The following PRKAR1A variants were observed in gnomAD, a reference collection of about 807,000 sequenced individuals.
The protein encoded by PRKAR1A is protein kinase cAMP-dependent type I regulatory subunit alpha, also known as cAMP-dependent protein kinase type I-alpha regulatory subunit.
Under a neutral mutation model 52.0 loss-of-function variants are expected in PRKAR1A, and 3 were observed. That is an observed-to-expected ratio of 0.06 (90% CI 0.03 to 0.15). PRKAR1A has a LOEUF of 0.15. Ranked by LOEUF, PRKAR1A falls within the 10% of genes least tolerant of loss-of-function variation. The pLI, the probability that PRKAR1A is intolerant of heterozygous loss-of-function variation, is 1.00. For missense variants in PRKAR1A, 240 were observed against 477.4 expected, an observed-to-expected ratio of 0.50 and a Z score of 4.63; for synonymous variants, 188 against 168.4, an observed-to-expected ratio of 1.12 and a Z score of -0.90.
At chr17:68,541,900 A>G (rs1046307142) in intron 11 of PRKAR1A, 6 of 1,502,854 alleles carry the variant, frequency 4.0e-6, no homozygotes, top group Middle Eastern at 4.9e-4. Context: ...TTTCAGATTC[A>G]AAAGCCAAGC....
chr17:68,489,343 ATATATATATATATATGGAAAG>A, the PRKAR1A span, among the ~76,000 whole-genome samples: 6 of 87,616 alleles, frequency 6.8e-5, no homozygotes, highest in African/African-American at 3.2e-4. Flanking sequence ...TGGAAAGTAT[ATATATATATATATATGGAAAG>A]TATATATATA....
chr17:68,450,941 C>T, the PRKAR1A span: 1 of 1,577,316 alleles, frequency 6.3e-7, no homozygotes, highest in South Asian at 1.2e-5. Context: ...TTGATCACTT[C>T]CAAGAAGGAT....
the PRKAR1A span, among the ~76,000 whole-genome samples, chr17:68,436,211 A>G: frequency 6.6e-6 from 1 of 152,100 alleles, no homozygotes; most frequent in Admixed American, 6.6e-5. Context: ...GGTGAGGTTG[A>G]CTCACAGCAA....
chr17:68,533,330 T>C lies in PRKAR1A; in HGVS notation c.*2881T>C, dbSNP rs1405432616. 12 of 1,063,134 alleles carry C rather than the reference T, an allele frequency of 1.1e-5. No homozygotes were observed. Among genetic ancestry groups the C allele is most frequent in the Non-Finnish European group, 1.4e-5 (12 of 877,884 alleles). The allele number at this position is 1,063,134 out of a possible 1,614,324, so 65.9% of individuals were successfully genotyped here. A position where few individuals can be genotyped will look rare whatever the true frequency, so the allele number is the denominator to read the frequency against. On this transcript the variant is annotated 3_prime_UTR_variant, in exon 11 of 11. Coordinates refer to ENST00000589228, the MANE Select transcript of PRKAR1A (RefSeq NM_002734.5). ...TTAGAAGAGCATTCTTTAAATTGTG[T>C]TGCTTTGAACATGTGTACCTTTTCT... is the stretch of plus-strand genomic sequence containing the variant.
chr17:68,504,158 G>A, the PRKAR1A span, among the ~76,000 whole-genome samples: 1 of 152,128 alleles, frequency 6.6e-6, no homozygotes. Context: ...GTCAATAGAT[G>A]AGTGGATACA....
chr17:68,486,506 CTTCT>C, the PRKAR1A span, among the ~76,000 whole-genome samples: 3,005 of 47,368 alleles, frequency 0.063, 86 homozygotes, highest in Non-Finnish European at 0.079. Flanking sequence ...TCCTTCCTTC[CTTCT>C]TTCTTTCTTT....
chr17:68,465,706 T>A, the PRKAR1A span, among the ~76,000 whole-genome samples: 520 of 139,676 alleles, frequency 3.7e-3, 17 homozygotes, highest in East Asian at 0.09. Context: ...TGACCTCAGG[T>A]GATCCACCCG....
the PRKAR1A span, among the ~76,000 whole-genome samples, chr17:68,450,381 C>G: frequency 6.6e-6 from 1 of 152,166 alleles, no homozygotes; most frequent in African/African-American, 2.4e-5. Context: ...CCAGAAGAGT[C>G]GCTCCTCTGA....
intron 1 of PRKAR1A, among the ~76,000 whole-genome samples, chr17:68,513,750 CCT>C (rs1278811286): frequency 6.6e-6 from 1 of 152,148 alleles, no homozygotes. Flanking sequence ...CGTATACTGT[CCT>C]ATTACCGGTG....
In PRKAR1A at chr17:68,542,733, T is replaced by C. The variant is rs1003312947; in HGVS notation, c.974-8351T>C. 42 of 1,614,046 alleles carry C rather than the reference T, an allele frequency of 2.6e-5. No homozygotes were observed. The highest frequency in any genetic ancestry group is 6.7e-5 in the Admixed American group (4 of 60,012). ...AAAACACTCTGCAGGATTTCATTCT[T>C]GGTGACCTCTAGGATTTCCTTGGTG... On this transcript the variant is annotated intron_variant, in intron 11 of 11. Coordinates refer to the PRKAR1A transcript ENST00000585981.
the PRKAR1A span, among the ~76,000 whole-genome samples, chr17:68,496,337 C>A: frequency 4.0e-5 from 6 of 151,708 alleles, no homozygotes; most frequent in Non-Finnish European, 7.4e-5. Flanking sequence ...CCACTGCGCC[C>A]GGCCCTCTCT....
At chr17:68,418,337 C>T in the PRKAR1A span, among the ~76,000 whole-genome samples, 1 of 152,188 alleles carries the variant, frequency 6.6e-6, no homozygotes, top group African/African-American at 2.4e-5. Flanking sequence ...TCCCTCAGTC[C>T]TGGGACACAG....
At chr17:68,498,200 T>C in the PRKAR1A span, among the ~76,000 whole-genome samples, 1 of 152,138 alleles carries the variant, frequency 6.6e-6, no homozygotes, top group Non-Finnish European at 1.5e-5. Context: ...GTAACGACCA[T>C]GTAAATGACC....
intron 7 of PRKAR1A, 129 bp from the exon 8 acceptor site, chr17:68,527,711 A>C: frequency 1.3e-6 from 1 of 751,194 alleles, no homozygotes; most frequent in Non-Finnish European, 2.2e-6. Flanking sequence ...AACTTTCCTC[A>C]TTAAAAGCAA....
chr17:68,478,065 A>G, the PRKAR1A span, among the ~76,000 whole-genome samples: 1 of 152,220 alleles, frequency 6.6e-6, no homozygotes, highest in African/African-American at 2.4e-5. Context: ...TGTACTTGAG[A>G]CACAACTTTA....
the PRKAR1A span, chr17:68,426,983 A>C: frequency 4.6e-6 from 3 of 653,644 alleles, no homozygotes; most frequent in Non-Finnish European, 7.9e-6. Flanking sequence ...CAAGGAGAGC[A>C]CTCCACCCCC....
chr17:68,426,759 C>T, the PRKAR1A span, among the ~76,000 whole-genome samples: 1 of 152,058 alleles, frequency 6.6e-6, no homozygotes, highest in African/African-American at 2.4e-5. Flanking sequence ...GGTCTCAAAC[C>T]CCTGGCCTCC....
the PRKAR1A span, among the ~76,000 whole-genome samples, chr17:68,419,277 C>A: frequency 1.3e-5 from 2 of 152,096 alleles, no homozygotes; most frequent in African/African-American, 4.8e-5. Context: ...AAAATTATAT[C>A]CTGGCTGGTG....
the PRKAR1A span, among the ~76,000 whole-genome samples, chr17:68,429,657 C>T: frequency 1.6e-3 from 247 of 152,124 alleles, no homozygotes; most frequent in African/African-American, 2.2e-3. Flanking sequence ...GGCATGATCT[C>T]GGCTCACTGC....
Sources: allele counts gnomAD v4.1 joint callset (sites outside exome capture counted in the v4.1 genomes callset), GRCh38; gene constraint gnomAD v4.1.1; transcripts MANE v1.5; gene names NCBI Gene and HGNC (gene_info 2026-07-23, HGNC 2026-07-21).